DALRD3: variants seen among roughly 807,000 people sequenced by gnomAD.
The protein encoded by DALRD3 is DALR anticodon-binding domain-containing protein 3.
In DALRD3, 47 loss-of-function variants were observed where a neutral mutation model predicts 56.7. That is an observed-to-expected ratio of 0.83 (90% CI 0.66 to 1.06). The LOEUF (loss-of-function observed/expected upper bound fraction) is 1.06. Ranked by LOEUF, DALRD3 falls within the 50% of genes least tolerant of loss-of-function variation. DALRD3 has a pLI of 0.00. For synonymous variants in DALRD3, 347 were observed against 308.5 expected, an observed-to-expected ratio of 1.12 and a Z score of -1.31; for missense variants, 787 against 724.0, an observed-to-expected ratio of 1.09 and a Z score of -1.00.
rs1449491685 is a variant in DALRD3 at position 49,017,287 on chromosome 3, G to A, written c.868C>T (p.Gln290Ter). ...CAAAGCAGGTCCAACTTCTGTTGCT[G>A]GAACTCCTCCTCACAGCTAACAACA... is the stretch of plus-strand genomic sequence containing the variant. Reference protein sequence around the residue: ...VHVVSCEEEFQQQKLDLLWQK... With the variant: ...VHVVSCEEEF Residue 290 changes from glutamine (Q) to a stop codon, truncating the protein, a stop_gained, in exon 5 of 12, where the codon CAG (glutamine) becomes TAG (stop). Coordinates refer to ENST00000341949, the MANE Select transcript of DALRD3 (RefSeq NM_001009996.3). LOFTEE classifies it high-confidence loss of function. 2.2e-5 allele frequency: 36 copies of A among 1,614,066 alleles called. No individual in the cohort carries two copies. Among genetic ancestry groups the A allele is most frequent in the Non-Finnish European group, 3.0e-5 (35 of 1,180,036 alleles).
Position 49,017,444 on chromosome 3 carries a change from T to A in DALRD3, c.788A>T (p.His263Leu), listed in dbSNP as rs1348349025. ...EALWHWPEDS[H>L]PGLAGASDTG... ...CTGGGAGTCACTAACCAGGCCTGGG[T>A]GGCTGTCCTCGGGCCAATGCCATAG... The change falls in exon 4 of 12, where the codon CAC (histidine) becomes CTC (leucine). Residue 263 changes from histidine (H) to leucine (L), a missense_variant. His to Leu is a moderately conservative substitution (Grantham distance 99, BLOSUM62 -3). Transcript: ENST00000341949. 3 of 1,614,130 alleles carry A rather than the reference T, an allele frequency of 1.9e-6. No homozygotes were observed. The Admixed American group carries it at 5.0e-5, about 27-fold the overall frequency.
In DALRD3 at chr3:49,018,396, C is replaced by G. The variant is rs1198520084; in HGVS notation, c.165+4G>C. The G allele has an allele frequency of 1.9e-6, 3 of 1,561,170 alleles. No individual in the cohort carries two copies. The highest frequency in any genetic ancestry group is 2.6e-6 in the Non-Finnish European group (3 of 1,155,588). On this transcript the variant is annotated splice_donor_region_variant and intron_variant, in intron 1 of 11. Coordinates refer to ENST00000341949, the MANE Select transcript of DALRD3 (RefSeq NM_001009996.3). The stretch of plus-strand genomic sequence containing the variant: ...CCGCACGGCCCCGCCCGGCTCACGC[C>G]CACCTGGCCGTCATCGAAGCGCGCC...
chr3:49,020,557 A>G (rs2093145484), upstream of DALRD3: 2 of 464,096 alleles, frequency 4.3e-6, no homozygotes, highest in Non-Finnish European at 9.0e-6. Context: ...CTGAGACCCA[A>G]GCAGCTCAGT....
Position 49,016,594 on chromosome 3 carries a change from A to G in DALRD3, c.1063+18T>C, listed in dbSNP as rs2093077082. On this transcript the variant is annotated intron_variant, in intron 7 of 11. Coordinates refer to ENST00000341949, the MANE Select transcript of DALRD3 (RefSeq NM_001009996.3). The stretch of plus-strand genomic sequence containing the variant: ...CCTGCCCCTAACCCAGAACATAGCC[A>G]GGGTTTCCCAGGCACACCTTGTGCC... The G allele has an allele frequency of 1.9e-6, 3 of 1,584,806 alleles. No individual in the cohort carries two copies. Among genetic ancestry groups the G allele is most frequent in the Non-Finnish European group, 2.6e-6 (3 of 1,164,904 alleles).
At position 49,016,608 on chromosome 3, in the gene DALRD3, A is replaced by T. The variant is rs765717665; in HGVS notation, c.1063+4T>A. ...AGAACATAGCCAGGGTTTCCCAGGCACACCTTGTGCCAGATCCCCACCATG... is the reference window on the plus strand; with the variant it reads ...AGAACATAGCCAGGGTTTCCCAGGCTCACCTTGTGCCAGATCCCCACCATG... On this transcript the variant is annotated splice_donor_region_variant and intron_variant, in intron 7 of 11. Coordinates refer to ENST00000341949, the MANE Select transcript of DALRD3 (RefSeq NM_001009996.3). 5.7e-6 allele frequency: 9 copies of T among 1,584,190 alleles called. No homozygotes were observed. The East Asian group carries it at 2.0e-4, about 35-fold the overall frequency.
At chr3:49,017,562 GC>G in intron 3 of DALRD3, 49 bp from the exon 4 acceptor site, 4 of 1,614,102 alleles carry the variant, frequency 2.5e-6, no homozygotes, top group Non-Finnish European at 3.4e-6. Flanking sequence ...GCAGAGATGT[GC>G]CCCTAACCCC....
rs2093107013 is a variant in DALRD3, at chr3:49,017,831, T to G, written c.500A>C (p.His167Pro). ...VRLVPAVRDPHMLTFLQQLRV... is the reference protein window; with the variant it reads ...VRLVPAVRDPPMLTFLQQLRV... Reference sequence around the variant, plus strand: ...CAGTTGCTGCAGGAAGGTCAGCATGTGCGGATCCCGCACAGCTGGCACTAG... The same window carrying G: ...CAGTTGCTGCAGGAAGGTCAGCATGGGCGGATCCCGCACAGCTGGCACTAG... Residue 167 changes from histidine to proline, a missense_variant, in exon 3 of 12, where the codon CAC (histidine) becomes CCC (proline). His to Pro is a moderately conservative substitution (Grantham distance 77, BLOSUM62 -2). Coordinates refer to ENST00000341949, the MANE Select transcript of DALRD3 (RefSeq NM_001009996.3). The G allele has an allele frequency of 6.2e-7, 1 of 1,609,276 alleles. No individual in the cohort carries two copies.
At position 49,017,282 on chromosome 3, in the gene DALRD3, T is replaced by C. The variant is rs1575290853; in HGVS notation, c.873A>G (p.Gln291=). ...HVVSCEEEFQ[Q]QKLDLLWQKL... is the part of the protein sequence containing the mutation. ...TCTGCCAAAGCAGGTCCAACTTCTG[T>C]TGCTGGAACTCCTCCTCACAGCTAA... Residue 291 remains glutamine, a synonymous_variant, in exon 5 of 12, where the codon CAA becomes CAG. Coordinates refer to ENST00000341949, the MANE Select transcript of DALRD3 (RefSeq NM_001009996.3). 3 of 1,614,176 alleles carry C rather than the reference T, an allele frequency of 1.9e-6. No individual in the cohort carries two copies. The highest frequency in any genetic ancestry group is 2.5e-6 in the Non-Finnish European group (3 of 1,180,014).
Position 49,016,044 on chromosome 3 carries a change from C to A in DALRD3, c.1372G>T (p.Asp458Tyr), listed in dbSNP as rs909941503. ...LLFNSILPFP[D>Y]LLSRTAVLDC... ...AGCACTGCTGTCCGGCTCAGCAGAT[C>A]CGGAAAGGGGAGGATACTGTTGAAG... Residue 458 changes from aspartate to tyrosine, a missense_variant, in exon 10 of 12, where the codon GAT becomes TAT. Physicochemically the swap from Asp to Tyr is radical, Grantham distance 160 (BLOSUM62 -3). Coordinates refer to ENST00000341949, the MANE Select transcript of DALRD3 (RefSeq NM_001009996.3). 6.2e-7 allele frequency: 1 copy of A among 1,600,306 alleles called. No individual in the cohort carries two copies. Among genetic ancestry groups the A allele is most frequent in the East Asian group, 2.2e-5 (1 of 44,654 alleles).
At chr3:49,020,868 G>A (rs536096714), upstream of DALRD3, 137 of 295,918 alleles carry the variant, frequency 4.6e-4, no homozygotes, top group South Asian at 3.6e-3. Flanking sequence ...ACAATAGAAG[G>A]GGAGGTGGGG....
chr3:49,018,366 C>G, intron 1 of DALRD3, 34 bp downstream of exon 1: 1 of 1,528,156 alleles, frequency 6.5e-7, no homozygotes, highest in South Asian at 1.2e-5. Flanking sequence ...GGGCCCATCT[C>G]CCGGCCGCAC....
intron 2 of DALRD3, 53 bp from the exon 3 acceptor site, chr3:49,017,922 G>A: frequency 9.0e-6 from 14 of 1,551,662 alleles, no homozygotes; most frequent in Non-Finnish European, 1.2e-5. Context: ...AGCTCGCCAC[G>A]ACTTCCCACC....
chr3:49,018,786 C>G (rs3923476), upstream of DALRD3: 29 of 985,452 alleles, frequency 2.9e-5, 1 homozygote, highest in Admixed American at 1.5e-3. Flanking sequence ...GGGGCCCTCC[C>G]TGGGCCTAGG....
chr3:49,018,142 C>CAGCGAGGCA lies in DALRD3; in HGVS notation c.333_341dup (p.Ala112_Leu114dup). On this transcript the variant is annotated inframe_insertion, in exon 2 of 12. Coordinates refer to ENST00000341949, the MANE Select transcript of DALRD3 (RefSeq NM_001009996.3). ...GGCAGTGTAGTAAGACGCGCTGGCC[C>CAGCGAGGCA]AGCGAGGCAGGCGAGGCGGGCGTGG... 4 of 1,465,072 alleles carry CAGCGAGGCA rather than the reference C, an allele frequency of 2.7e-6. No individual in the cohort carries two copies. Among genetic ancestry groups the CAGCGAGGCA allele is most frequent in the South Asian group, 2.9e-5 (2 of 69,534 alleles). The allele number at this position is 1,465,072 out of a possible 1,614,324, so 90.8% of individuals were successfully genotyped here.
In DALRD3 at chr3:49,018,163, CGT is replaced by C. The variant is rs2093113480; in HGVS notation, c.319_320del (p.Thr107AlafsTer90). The C allele has an allele frequency of 6.9e-7, 1 of 1,456,036 alleles. No individual in the cohort carries two copies. The highest frequency in any genetic ancestry group is 1.5e-5 in the African/African-American group (1 of 68,782). The allele number at this position is 1,456,036 out of a possible 1,614,324, so 90.2% of individuals were successfully genotyped here. A position where few individuals can be genotyped will look rare whatever the true frequency, so the allele number is the denominator to read the frequency against. ...GGCCCAGCGAGGCAGGCGAGGCGGGCGTGGCATAGGCGGCCACGGCGCTGAGG... is the reference window on the plus strand; with the variant it reads ...GGCCCAGCGAGGCAGGCGAGGCGGGCGGCATAGGCGGCCACGGCGCTGAGG... ...RVLSAVAAYA[T>X]PASPASLGQR... On this transcript the variant is annotated frameshift_variant, in exon 2 of 12. Coordinates refer to ENST00000341949, the MANE Select transcript of DALRD3 (RefSeq NM_001009996.3). LOFTEE classifies it high-confidence loss of function.
Position 49,017,837 on chromosome 3 carries a change from T to A in DALRD3, c.494A>T (p.Asp165Val). 3 of 1,607,912 alleles carry A rather than the reference T, an allele frequency of 1.9e-6. No individual in the cohort carries two copies. The highest frequency in any genetic ancestry group is 3.3e-4 in the Middle Eastern group (2 of 6,048). Residue 165 changes from aspartate to valine, a missense_variant, in exon 3 of 12, where the codon GAT becomes GTT. Coordinates refer to ENST00000341949, the MANE Select transcript of DALRD3 (RefSeq NM_001009996.3). ...CTGCAGGAAGGTCAGCATGTGCGGA[T>A]CCCGCACAGCTGGCACTAGGCGCAC... ...VCVRLVPAVR[D>V]PHMLTFLQQL... is the part of the protein sequence containing the mutation.
Position 49,016,595 on chromosome 3 carries a change from G to C in DALRD3, c.1063+17C>G. The C allele has an allele frequency of 1.3e-6, 2 of 1,585,134 alleles. No homozygotes were observed. Among genetic ancestry groups the C allele is most frequent in the Non-Finnish European group, 1.7e-6 (2 of 1,164,950 alleles). ...CTGCCCCTAACCCAGAACATAGCCA[G>C]GGTTTCCCAGGCACACCTTGTGCCA... On this transcript the variant is annotated intron_variant, in intron 7 of 11. Coordinates refer to ENST00000341949, the MANE Select transcript of DALRD3 (RefSeq NM_001009996.3).
intron 5 of DALRD3, 37 bp from the exon 6 acceptor site, chr3:49,016,884 G>T: frequency 3.7e-6 from 6 of 1,612,552 alleles, no homozygotes; most frequent in Non-Finnish European, 5.1e-6. Flanking sequence ...CCTAGTTGGC[G>T]CTACTCTCCA....
upstream of DALRD3, chr3:49,018,652 G>C (rs1352749090): frequency 1.4e-6 from 2 of 1,444,586 alleles, no homozygotes; most frequent in African/African-American, 3.0e-5. Flanking sequence ...CGGGGATGCG[G>C]CGGTGGTCCC....
Sources: gnomAD v4.1 joint callset for allele counts on GRCh38, gnomAD v4.1.1 for gene constraint, MANE v1.5 for transcripts, NCBI Gene and HGNC (gene_info 2026-07-23, HGNC 2026-07-21) for gene names.